Variants in TENM2 observed in about 807,000 individuals in gnomAD.
TENM2 encodes teneurin transmembrane protein 2.
Under a neutral mutation model 245.2 loss-of-function variants are expected in TENM2, and 52 were observed. The ratio of observed to expected loss-of-function variants is 0.21; its 90% confidence interval spans 0.17 to 0.27. TENM2 has a LOEUF of 0.27. Among genes scored for constraint, TENM2 ranks in the 10% least tolerant of loss-of-function variants. The pLI is 1.00. For missense variants in TENM2, 3,046 were observed against 3,666.8 expected, an observed-to-expected ratio of 0.83 and a Z score of 4.37; for synonymous variants, 1,363 against 1,438.9, an observed-to-expected ratio of 0.95 and a Z score of 1.19.
chr5:167,548,672 G>C (rs1406576965), intron 2 of TENM2, among the ~76,000 whole-genome samples: 2 of 151,982 alleles, frequency 1.3e-5, no homozygotes, highest in East Asian at 1.9e-4. Flanking sequence ...CTTCAAGATG[G>C]CCTCTTACCA....
chr5:167,278,714 C>A, the TENM2 span, among the ~76,000 whole-genome samples: 1 of 152,092 alleles, frequency 6.6e-6, no homozygotes, highest in Non-Finnish European at 1.5e-5. Context: ...CATTCTCTGA[C>A]CCTCCCCTAT....
chr5:167,994,298 A>G (rs1008739474), intron 5 of TENM2, among the ~76,000 whole-genome samples: 10 of 152,346 alleles, frequency 6.6e-5, no homozygotes, highest in African/African-American at 2.2e-4. Flanking sequence ...CATTTAAGAG[A>G]AAAGAAAAGG....
At chr5:167,542,334 T>G (rs1186318003) in intron 2 of TENM2, among the ~76,000 whole-genome samples, 1 of 152,180 alleles carries the variant, frequency 6.6e-6, no homozygotes, top group Non-Finnish European at 1.5e-5. Flanking sequence ...GTGAACTTCA[T>G]GAAGATTTAT....
the TENM2 span, among the ~76,000 whole-genome samples, chr5:167,029,711 G>T: frequency 6.6e-6 from 1 of 152,310 alleles, no homozygotes; most frequent in Admixed American, 6.5e-5. Flanking sequence ...GTCCAGTGCT[G>T]TGTGCCAGGG....
At chr5:168,152,721 C>A (rs1374794392) in intron 12 of TENM2, among the ~76,000 whole-genome samples, 17 of 152,170 alleles carry the variant, frequency 1.1e-4, no homozygotes, top group Admixed American at 1.1e-3. Context: ...TCATCCCTAC[C>A]TTTGTGTAAC....
At chr5:167,754,168 G>T (rs964006855) in intron 2 of TENM2, among the ~76,000 whole-genome samples, 7 of 152,172 alleles carry the variant, frequency 4.6e-5, no homozygotes, top group Admixed American at 2.0e-4. Context: ...ATGGATAGTT[G>T]TTTCCCTATA....
chr5:167,921,546 G>A (rs1426255997), intron 3 of TENM2, among the ~76,000 whole-genome samples: 6 of 152,072 alleles, frequency 3.9e-5, no homozygotes, highest in Admixed American at 2.0e-4. Context: ...GTCAGTCCCC[G>A]CGAGCTTTTG....
At chr5:167,199,275 G>A in the TENM2 span, among the ~76,000 whole-genome samples, 1 of 152,044 alleles carries the variant, frequency 6.6e-6, no homozygotes, top group Admixed American at 6.6e-5. Flanking sequence ...AGATGTGTGA[G>A]TACTTTCAGT....
At chr5:167,580,360 A>G (rs569662255) in intron 2 of TENM2, among the ~76,000 whole-genome samples, 4 of 152,192 alleles carry the variant, frequency 2.6e-5, no homozygotes, top group Non-Finnish European at 4.4e-5. Flanking sequence ...ACATCTTTCT[A>G]TTTACAAATG....
the TENM2 span, among the ~76,000 whole-genome samples, chr5:167,128,943 G>C: frequency 6.6e-6 from 1 of 152,178 alleles, no homozygotes; most frequent in Non-Finnish European, 1.5e-5. Flanking sequence ...CTTTGCAAAA[G>C]CACTTTTCTC....
chr5:167,752,566 G>A (rs1158725942), intron 2 of TENM2, among the ~76,000 whole-genome samples: 1 of 152,064 alleles, frequency 6.6e-6, no homozygotes, highest in Non-Finnish European at 1.5e-5. Context: ...CTTTACTGAT[G>A]GATCTCTGCT....
At chr5:167,480,417 G>T (rs1767682498) in intron 2 of TENM2, among the ~76,000 whole-genome samples, 1 of 152,120 alleles carries the variant, frequency 6.6e-6, no homozygotes, top group Admixed American at 6.5e-5. Context: ...ATCTCATAAG[G>T]AGGTGAGCAA....
chr5:167,770,603 C>T (rs553332793), intron 2 of TENM2, among the ~76,000 whole-genome samples: 6 of 152,294 alleles, frequency 3.9e-5, no homozygotes, highest in South Asian at 2.1e-4. Flanking sequence ...CTTGTAACCA[C>T]CACGTTGCAC....
chr5:168,154,335 G>A (rs1263212986), intron 12 of TENM2, among the ~76,000 whole-genome samples: 2 of 151,904 alleles, frequency 1.3e-5, no homozygotes, highest in Non-Finnish European at 2.9e-5. Context: ...TCCTGCCTCA[G>A]CCTCTCAAGT....
chr5:167,095,296 G>A, the TENM2 span, among the ~76,000 whole-genome samples: 3 of 152,180 alleles, frequency 2.0e-5, no homozygotes, highest in Non-Finnish European at 4.4e-5. Flanking sequence ...AGAGGAGCAA[G>A]GGGGTTGGGA....
the TENM2 span, among the ~76,000 whole-genome samples, chr5:167,060,326 A>G: frequency 6.6e-6 from 1 of 152,150 alleles, no homozygotes; most frequent in Non-Finnish European, 1.5e-5. Context: ...TGAGCCACGA[A>G]TATATTTTTT....
At chr5:167,839,995 A>AT (rs1769355441) in intron 2 of TENM2, among the ~76,000 whole-genome samples, 1 of 152,058 alleles carries the variant, frequency 6.6e-6, no homozygotes, top group Non-Finnish European at 1.5e-5. Flanking sequence ...ATTTTTTTGT[A>AT]TTTTTAGTAG....
At chr5:168,088,520 C>T (rs1215861187) in intron 7 of TENM2, among the ~76,000 whole-genome samples, 1 of 152,108 alleles carries the variant, frequency 6.6e-6, no homozygotes, top group Non-Finnish European at 1.5e-5. Context: ...AAACTAGAAC[C>T]ACGCACTGCT....
chr5:167,985,324 C>T (rs143213694), intron 4 of TENM2, among the ~76,000 whole-genome samples: 73 of 152,166 alleles, frequency 4.8e-4, no homozygotes, highest in Admixed American at 1.0e-3. Flanking sequence ...TGTTTTCATC[C>T]GCTCCTCTGA....
Sources: allele counts gnomAD v4.1 joint callset (sites outside exome capture counted in the v4.1 genomes callset), GRCh38; gene constraint gnomAD v4.1.1; transcripts MANE v1.5; gene names NCBI Gene and HGNC (gene_info 2026-07-23, HGNC 2026-07-21).